The following HIBCH variants were observed in gnomAD, a reference collection of about 807,000 sequenced individuals.
The protein encoded by HIBCH is 3-hydroxyisobutyryl-CoA hydrolase, mitochondrial.
In HIBCH, 50 loss-of-function variants were observed where a neutral mutation model predicts 58.2. The ratio of observed to expected loss-of-function variants is 0.86; its 90% CI spans 0.68 to 1.09. The LOEUF is 1.09. HIBCH is among the 50% of genes least tolerant of loss of function. The pLI is 0.00. For synonymous variants in HIBCH, 151 were observed against 146.9 expected, an observed-to-expected ratio of 1.03 and a Z score of -0.20; for missense variants, 450 against 449.7, an observed-to-expected ratio of 1.00 and a Z score of -0.01.
chr2:190,241,456 C>A (rs931019071), intron 11 of HIBCH, among the ~76,000 whole-genome samples: 1 of 152,112 alleles, frequency 6.6e-6, no homozygotes, highest in Non-Finnish European at 1.5e-5. Context: ...GTGCATTTAG[C>A]CCATTTACAT....
At chr2:190,265,526 A>G (rs1234382259) in intron 6 of HIBCH, among the ~76,000 whole-genome samples, 1 of 150,844 alleles carries the variant, frequency 6.6e-6, no homozygotes, top group African/African-American at 2.5e-5. Context: ...TTCCCTTATC[A>G]GCTGTATACC....
At chr2:190,249,577 G>C in intron 9 of HIBCH, 63 bp downstream of exon 9, 1 of 924,136 alleles carries the variant, frequency 1.1e-6, no homozygotes, top group Non-Finnish European at 1.8e-6. Context: ...CCAACTGCCA[G>C]TTTTTTAATC....
rs1687636897 is a variant in HIBCH, at chr2:190,279,089, G to A, written c.438+8497C>T. Among the ~76,000 whole-genome samples, 1 of 152,194 alleles carries A rather than the reference G, an allele frequency of 6.6e-6. No individual in the cohort carries two copies. The highest frequency in any genetic ancestry group is 6.5e-5 in the Admixed American group (1 of 15,280). On this transcript the variant is annotated intron_variant, in intron 6 of 13. Transcript: ENST00000359678. The surrounding 1 kb of genome is among the most constrained non-coding windows in gnomAD (Gnocchi z 4.2). ...ATATCTGTTGAGGGCCTTCTTGCTGGTGGGGACTCTCTGCAGAGCCCTGAT... is the reference window on the plus strand; with the variant it reads ...ATATCTGTTGAGGGCCTTCTTGCTGATGGGGACTCTCTGCAGAGCCCTGAT...
chr2:190,236,868 G>C lies in HIBCH; in HGVS notation c.891+8019C>G, dbSNP rs1018233377. 6.6e-6 allele frequency among the ~76,000 whole-genome samples: 1 copy of C among 152,048 alleles called. No individual in the cohort carries two copies. Among genetic ancestry groups the C allele is most frequent in the Non-Finnish European group, 1.5e-5 (1 of 67,986 alleles). ...ATGCCAATGGTAGCATTTAAGGGTCGCTAAGGCCCATCAGTGAACTAGAAA... is the reference window on the plus strand; with the variant it reads ...ATGCCAATGGTAGCATTTAAGGGTCCCTAAGGCCCATCAGTGAACTAGAAA... On this transcript the variant is annotated intron_variant, in intron 11 of 13. Transcript: ENST00000359678. The surrounding 1 kb of genome is among the most constrained non-coding windows in gnomAD (Gnocchi z 4.1).
chr2:190,306,880 C>T lies in HIBCH; in HGVS notation c.78+3874G>A, dbSNP rs951523639. 6.6e-6 allele frequency among the ~76,000 whole-genome samples: 1 copy of T among 152,096 alleles called. No individual in the cohort carries two copies. The highest frequency in any genetic ancestry group is 1.5e-5 in the Non-Finnish European group (1 of 68,020). ...AAGAAACCCTGGAGAGCTTCTTCAC[C>T]CCTTCTACCACAAGAGGACAGAGAG... On this transcript the variant is annotated intron_variant, in intron 2 of 13. Transcript: ENST00000359678. The surrounding 1 kb of genome is among the most constrained non-coding windows in gnomAD (Gnocchi z 4.6).
At chr2:190,240,418 T>C (rs1686416349) in intron 11 of HIBCH, among the ~76,000 whole-genome samples, 1 of 152,120 alleles carries the variant, frequency 6.6e-6, no homozygotes, top group Non-Finnish European at 1.5e-5. Flanking sequence ...AGTGGTCTAT[T>C]TTGTTAACCT....
Position 190,205,191 on chromosome 2 carries a change from C to T in HIBCH, c.1087G>A (p.Asp363Asn), listed in dbSNP as rs1440344349. 1.9e-6 allele frequency: 3 copies of T among 1,609,504 alleles called. No homozygotes were observed. The highest frequency in any genetic ancestry group is 8.5e-7 in the Non-Finnish European group (1 of 1,176,330). ...KDQSPKWKPA[D>N]LKEVTEEDLN... The stretch of plus-strand genomic sequence containing the variant: ...TCTTCCTCAGTAACTTCTTTTAGAT[C>T]AGCTGGTTTCCATTTTGGACTCTGG... Residue 363 changes from aspartate to asparagine, a missense_variant, in exon 14 of 14, where the codon GAT (aspartate) becomes AAT (asparagine). Physicochemically the swap from Asp to Asn is conservative, Grantham distance 23 (BLOSUM62 1). Coordinates refer to ENST00000359678, the MANE Select transcript of HIBCH (RefSeq NM_014362.4).
chr2:190,259,318 G>GGTGTGTGTGTGTGTGTGT (rs1364718798), intron 7 of HIBCH, among the ~76,000 whole-genome samples: 1 of 71,202 alleles, frequency 1.4e-5, no homozygotes, highest in Non-Finnish European at 3.3e-5. Flanking sequence ...TCAGTATACA[G>GGTGTGTGTGTGTGTGTGT]ATGTGTGTGT....
In HIBCH at chr2:190,209,050, C is replaced by T; in HGVS notation, c.1012-137G>A. 2.7e-6 allele frequency: 2 copies of T among 736,170 alleles called. No individual in the cohort carries two copies. Among genetic ancestry groups the T allele is most frequent in the Non-Finnish European group, 4.8e-6 (2 of 414,644 alleles). 45.6% of individuals were successfully genotyped at this position (736,170 alleles called of 1,614,324 possible). On this transcript the variant is annotated intron_variant, in intron 12 of 13. Coordinates refer to ENST00000359678, the MANE Select transcript of HIBCH (RefSeq NM_014362.4). The surrounding 1 kb of genome is among the most constrained non-coding windows in gnomAD (Gnocchi z 5.6). The stretch of plus-strand genomic sequence containing the variant: ...CCATGACATTCAGAGACTGAACCAC[C>T]TCTGATAGCCCACTCTCTGATCACC...
chr2:190,271,743 T>G (rs1687407969), intron 6 of HIBCH, among the ~76,000 whole-genome samples: 1 of 152,184 alleles, frequency 6.6e-6, no homozygotes, highest in Non-Finnish European at 1.5e-5. Flanking sequence ...TTGCCCCTGC[T>G]AAAAAGCACT....
intron 12 of HIBCH, among the ~76,000 whole-genome samples, chr2:190,212,448 A>T (rs1180513852): frequency 6.6e-6 from 1 of 152,242 alleles, no homozygotes; most frequent in Non-Finnish European, 1.5e-5. Context: ...AAATATAAAT[A>T]TGAGATGTTT....
At chr2:190,226,568 C>T (rs905974147) in intron 11 of HIBCH, among the ~76,000 whole-genome samples, 1 of 141,310 alleles carries the variant, frequency 7.1e-6, no homozygotes, top group African/African-American at 2.6e-5. Context: ...GCACTCCAGC[C>T]TGGGCAACAA....
chr2:190,302,755 G>C (rs1359991295), intron 2 of HIBCH, among the ~76,000 whole-genome samples: 1 of 152,130 alleles, frequency 6.6e-6, no homozygotes, highest in Non-Finnish European at 1.5e-5. Context: ...GGGGAGTCTA[G>C]TCATTGGGGG....
At chr2:190,262,179 A>T (rs1459773466) in intron 6 of HIBCH, among the ~76,000 whole-genome samples, 1 of 125,090 alleles carries the variant, frequency 8.0e-6, no homozygotes, top group Non-Finnish European at 1.7e-5. Context: ...AAAAAAAAAG[A>T]AAAGAAAAGA....
intron 1 of HIBCH, among the ~76,000 whole-genome samples, chr2:190,191,910 T>C (rs2105875032): frequency 6.6e-6 from 1 of 152,314 alleles, no homozygotes; most frequent in South Asian, 2.1e-4. Flanking sequence ...ATTTGCTGTT[T>C]TTTTTTCAAT....
At chr2:190,294,494 A>G in intron 4 of HIBCH, 52 bp downstream of exon 4, 2 of 1,129,872 alleles carry the variant, frequency 1.8e-6, no homozygotes, top group Non-Finnish European at 2.7e-6. Flanking sequence ...ACAATACTTG[A>G]TCAGTTCTAG....
intron 1 of HIBCH, among the ~76,000 whole-genome samples, chr2:190,316,176 ACT>A (rs1198484891): frequency 6.6e-6 from 1 of 152,040 alleles, no homozygotes; most frequent in Non-Finnish European, 1.5e-5. Flanking sequence ...ACAGGGTCTC[ACT>A]CTGTCACCCA....
At chr2:190,319,674 C>G in intron 1 of HIBCH, 42 bp downstream of exon 1, 1 of 1,530,784 alleles carries the variant, frequency 6.5e-7, no homozygotes, top group Non-Finnish European at 9.0e-7. Context: ...GTGGCGAGTG[C>G]CGCTGAAGAG....
chr2:190,192,452 C>CTCTGTGTG (rs1553490004), intron 1 of HIBCH, among the ~76,000 whole-genome samples: 2 of 145,358 alleles, frequency 1.4e-5, no homozygotes, highest in South Asian at 2.2e-4. Flanking sequence ...AATTCAGAAT[C>CTCTGTGTG]TGTGTGTGTG....
Sources: allele counts gnomAD v4.1 joint callset (sites outside exome capture counted in the v4.1 genomes callset), GRCh38; gene constraint gnomAD v4.1.1; non-coding constraint Gnocchi (gnomAD v3.1); transcripts MANE v1.5; gene names NCBI Gene and HGNC (gene_info 2026-07-23, HGNC 2026-07-21).